Variants in SDK1 observed in about 807,000 individuals in gnomAD.
SDK1 encodes the protein protein sidekick-1.
Under a neutral mutation model 245.5 loss-of-function variants are expected in SDK1, and 157 were observed. The observed-to-expected ratio is 0.64, with a 90% CI of 0.56 to 0.73. SDK1 has a LOEUF of 0.73. Ranked by LOEUF, SDK1 falls within the 30% of genes least tolerant of loss-of-function variation. SDK1 has a pLI of 0.00. For missense variants in SDK1, 3,583 were observed against 3,002.3 expected, an observed-to-expected ratio of 1.19 and a Z score of -4.52; for synonymous variants, 1,647 against 1,278.5, an observed-to-expected ratio of 1.29 and a Z score of -6.15.
At chr7:4,205,521 C>T (rs900085448) in intron 35 of SDK1, among the ~76,000 whole-genome samples, 2 of 152,192 alleles carry the variant, frequency 1.3e-5, no homozygotes, top group African/African-American at 2.4e-5. Flanking sequence ...CCAAGAAGCA[C>T]GTGGATTACG....
In SDK1 at chr7:4,026,247, G is replaced by T. The variant is rs1787338128; in HGVS notation, c.2602+8895G>T. The stretch of plus-strand genomic sequence containing the variant: ...AGAATGCAGAGACAGGGCATGGGAA[G>T]TGGGGGTCGGGAGAGGAAGAGGAAG... On this transcript the variant is annotated intron_variant, in intron 17 of 44. Coordinates refer to ENST00000404826, the MANE Select transcript of SDK1 (RefSeq NM_152744.4). This position sits in a 1 kb window ranked among gnomAD's most constrained non-coding sequence, Gnocchi z 4.1. Among the ~76,000 whole-genome samples, 2 of 152,252 alleles carry T rather than the reference G, an allele frequency of 1.3e-5. No homozygotes were observed. The highest frequency in any genetic ancestry group is 4.8e-5 in the African/African-American group (2 of 41,474).
intron 16 of SDK1, among the ~76,000 whole-genome samples, chr7:4,014,822 T>C (rs56155108): frequency 0.19 from 29,271 of 152,130 alleles, 3,083 homozygotes; most frequent in Middle Eastern, 0.25. Context: ...ACTTCCGTTA[T>C]TGACTGTGAC....
chr7:3,651,859 T>G (rs893812410), intron 4 of SDK1, among the ~76,000 whole-genome samples: 3 of 152,086 alleles, frequency 2.0e-5, no homozygotes, highest in Non-Finnish European at 4.4e-5. Flanking sequence ...AATGATGTCT[T>G]CGAACGCCAA....
chr7:4,096,175 C>T (rs115126850), intron 22 of SDK1, among the ~76,000 whole-genome samples: 1 of 152,208 alleles, frequency 6.6e-6, no homozygotes, highest in Non-Finnish European at 1.5e-5. Context: ...TTAGAAATCC[C>T]AGAGTCTCCT....
intron 4 of SDK1, among the ~76,000 whole-genome samples, chr7:3,759,933 A>G (rs1780044712): frequency 6.6e-6 from 1 of 152,090 alleles, no homozygotes; most frequent in Non-Finnish European, 1.5e-5. Context: ...CTTTTGTTTT[A>G]CAATTTGCTG....
intron 4 of SDK1, among the ~76,000 whole-genome samples, chr7:3,699,288 ACAAGAT>A (rs1381557873): frequency 1.3e-5 from 2 of 152,212 alleles, no homozygotes; most frequent in Non-Finnish European, 2.9e-5. Flanking sequence ...AACACCCACA[ACAAGAT>A]GATACAGATG....
intron 1 of SDK1, among the ~76,000 whole-genome samples, chr7:3,369,844 G>T (rs1410172135): frequency 6.6e-6 from 1 of 152,136 alleles, no homozygotes; most frequent in Non-Finnish European, 1.5e-5. Flanking sequence ...GCGCATTTAT[G>T]GCGTGCAGTG....
Position 3,567,331 on chromosome 7 carries a change from G to A in SDK1, c.299-51749G>A, listed in dbSNP as rs541643019. Reference sequence around the variant, plus strand: ...CTTGATACCTGCAACAGGATTAGAAGTACTTGTGAGAGTAAATGCCTAGTC... The same window carrying A: ...CTTGATACCTGCAACAGGATTAGAAATACTTGTGAGAGTAAATGCCTAGTC... On this transcript the variant is annotated intron_variant, in intron 1 of 44. Transcript: ENST00000404826. Among the ~76,000 whole-genome samples the A allele has an allele frequency of 3.3e-5, 5 of 152,296 alleles. 1 individual carries two copies. Among genetic ancestry groups the A allele is most frequent in the African/African-American group, 1.2e-4 (5 of 41,558 alleles).
At chr7:3,494,827 T>C (rs748571760) in intron 1 of SDK1, among the ~76,000 whole-genome samples, 1 of 152,252 alleles carries the variant, frequency 6.6e-6, no homozygotes, top group Admixed American at 6.5e-5. Context: ...ACACGGTTTA[T>C]TTGTTAAAAA....
chr7:3,444,984 T>C (rs936815229), intron 1 of SDK1, among the ~76,000 whole-genome samples: 1 of 152,192 alleles, frequency 6.6e-6, no homozygotes, highest in Non-Finnish European at 1.5e-5. Flanking sequence ...TTAAAATGTT[T>C]AAAACATTGG....
At chr7:3,580,195 A>G (rs1196037121) in intron 1 of SDK1, among the ~76,000 whole-genome samples, 1 of 152,232 alleles carries the variant, frequency 6.6e-6, no homozygotes, top group African/African-American at 2.4e-5. Context: ...AAGAATCAGT[A>G]TCATTAAAAT....
chr7:4,057,850 A>G (rs1270800093), intron 19 of SDK1, among the ~76,000 whole-genome samples: 1 of 152,250 alleles, frequency 6.6e-6, no homozygotes, highest in Non-Finnish European at 1.5e-5. Context: ...TTCATCCAGA[A>G]TCAAAGCCAA....
chr7:3,355,418 C>T (rs1451510335), intron 1 of SDK1, among the ~76,000 whole-genome samples: 2 of 152,192 alleles, frequency 1.3e-5, no homozygotes, highest in Non-Finnish European at 2.9e-5. Flanking sequence ...TGTGCTCAAG[C>T]AGTCTTCCTG....
chr7:3,997,000 A>C (rs966477441), intron 14 of SDK1, among the ~76,000 whole-genome samples: 2 of 152,196 alleles, frequency 1.3e-5, no homozygotes, highest in Non-Finnish European at 1.5e-5. Context: ...GTTTTGACAA[A>C]TATATACAGC....
intron 41 of SDK1, 65 bp from the exon 42 acceptor site, chr7:4,237,582 C>G (rs551956526): frequency 6.3e-7 from 1 of 1,593,182 alleles, no homozygotes; most frequent in Non-Finnish European, 8.6e-7. Flanking sequence ...CCACCTGACT[C>G]GCGGGAGGTG....
At position 3,661,270 on chromosome 7, in the gene SDK1, G is replaced by T. The variant is rs11972369; in HGVS notation, c.713+19165G>T. On this transcript the variant is annotated intron_variant, in intron 4 of 44. Coordinates refer to ENST00000404826, the MANE Select transcript of SDK1 (RefSeq NM_152744.4). ...TTATATGCAGAGAAACCATGGTTTG[G>T]TTTGAATCTGCTATGTATGGATTAA... Among the ~76,000 whole-genome samples the T allele has an allele frequency of 4.0e-3, 603 of 152,312 alleles. 7 individuals carry two copies. The highest frequency in any genetic ancestry group is 0.014 in the African/African-American group (565 of 41,558).
At chr7:3,765,593 T>C (rs1232643303) in intron 4 of SDK1, among the ~76,000 whole-genome samples, 1 of 152,226 alleles carries the variant, frequency 6.6e-6, no homozygotes, top group African/African-American at 2.4e-5. Flanking sequence ...ATGGAATAGC[T>C]TTTAATCTTC....
At chr7:3,884,940 G>C (rs1179636848) in intron 5 of SDK1, among the ~76,000 whole-genome samples, 3 of 152,284 alleles carry the variant, frequency 2.0e-5, no homozygotes, top group Admixed American at 2.0e-4. Context: ...CGCCATAAGC[G>C]CTGTCACTCC....
intron 4 of SDK1, among the ~76,000 whole-genome samples, chr7:3,732,017 C>G (rs1361571975): frequency 6.6e-6 from 1 of 152,186 alleles, no homozygotes; most frequent in Non-Finnish European, 1.5e-5. Context: ...GTCTCGATCT[C>G]CTGACCTCGT....
Sources: gnomAD v4.1 joint callset for allele counts (sites outside exome capture counted in the v4.1 genomes callset) on GRCh38, gnomAD v4.1.1 for gene constraint, Gnocchi (gnomAD v3.1) non-coding constraint, MANE v1.5 for transcripts, NCBI Gene and HGNC (gene_info 2026-07-23, HGNC 2026-07-21) for gene names.